Variants in SMARCA5 observed in about 807,000 individuals in gnomAD.
The protein encoded by SMARCA5 is SWI/SNF-related matrix-associated actin-dependent regulator of chromatin subfamily A member 5.
SMARCA5 carries 18 observed loss-of-function variants against 140.4 expected under a neutral mutation model. The ratio of observed to expected loss-of-function variants is 0.13; its 90% confidence interval spans 0.09 to 0.19. SMARCA5 has a LOEUF of 0.19. SMARCA5 is among the 10% of genes least tolerant of loss of function. The pLI is 1.00. For synonymous variants in SMARCA5, 449 were observed against 419.6 expected (o/e 1.07, Z -0.86); for missense variants, 606 against 1,276.8 (o/e 0.47, Z 8.01).
intron 22 of SMARCA5, among the ~76,000 whole-genome samples, chr4:143,549,227 C>G (rs979648953): frequency 1.2e-4 from 18 of 152,022 alleles, no homozygotes; most frequent in African/African-American, 3.9e-4. Context: ...ATGTATTCTT[C>G]TATCTCTATA....
At chr4:143,515,337 T>G (rs969275951) in intron 1 of SMARCA5, among the ~76,000 whole-genome samples, 3 of 152,200 alleles carry the variant, frequency 2.0e-5, no homozygotes, top group Non-Finnish European at 2.9e-5. Flanking sequence ...CCTGTAGTTT[T>G]GAGTGATTAA....
chr4:143,546,639 C>A, intron 19 of SMARCA5, 137 bp from the exon 20 acceptor site: 1 of 673,626 alleles, frequency 1.5e-6, no homozygotes, highest in African/African-American at 1.8e-5. Context: ...TATTTATGTA[C>A]ACGAAAAGTT....
At chr4:143,552,774 T>C (rs1385859869) in intron 23 of SMARCA5, among the ~76,000 whole-genome samples, 1 of 152,040 alleles carries the variant, frequency 6.6e-6, no homozygotes, top group Non-Finnish European at 1.5e-5. Context: ...TGAGTATCTC[T>C]GGATAATATT....
chr4:143,526,115 A>T (rs750656605), intron 5 of SMARCA5, among the ~76,000 whole-genome samples, 166 bp from the exon 6 acceptor site: 14 of 152,244 alleles, frequency 9.2e-5, no homozygotes, highest in Admixed American at 7.8e-4. Context: ...TGTGAAAATT[A>T]TATGACATAA....
intron 22 of SMARCA5, among the ~76,000 whole-genome samples, chr4:143,548,574 T>A (rs954156394): frequency 6.6e-6 from 1 of 152,086 alleles, no homozygotes; most frequent in East Asian, 1.9e-4. Flanking sequence ...TTGCACTGAT[T>A]TAGTGCTAGG....
chr4:143,519,690 C>T (rs1159543009), intron 2 of SMARCA5, among the ~76,000 whole-genome samples: 1 of 152,144 alleles, frequency 6.6e-6, no homozygotes, highest in Non-Finnish European at 1.5e-5. Context: ...AGTTCACTAT[C>T]CACTCCTCGT....
At chr4:143,545,625 A>G in intron 18 of SMARCA5, 42 bp downstream of exon 18, 1 of 1,174,658 alleles carries the variant, frequency 8.5e-7, no homozygotes. Context: ...CCTATCCAGA[A>G]ATTATGGAAG....
chr4:143,543,646 G>T lies in SMARCA5; in HGVS notation c.2041G>T (p.Gly681Cys). The change falls in exon 15 of 24, where the codon GGT (glycine) becomes TGT (cysteine). Residue 681 changes from glycine (G) to cysteine (C), a missense_variant. By Grantham distance (159) the Gly-to-Cys change is radical. This residue lies in a region of SMARCA5 where 62 missense variants were observed against 256.6 expected (regional missense o/e 0.24). Coordinates refer to ENST00000283131, the MANE Select transcript of SMARCA5 (RefSeq NM_003601.4). ...DEDIDGILER[G>C]AKKTAEMNEK... ...AGATATCGATGGTATTTTGGAAAGAGGTGCAAAGAAGGTGAGATGTAGATT... is the reference window on the plus strand; with the variant it reads ...AGATATCGATGGTATTTTGGAAAGATGTGCAAAGAAGGTGAGATGTAGATT... The T allele has an allele frequency of 1.2e-6, 2 of 1,612,438 alleles. No homozygotes were observed. Among genetic ancestry groups the T allele is most frequent in the Non-Finnish European group, 1.7e-6 (2 of 1,179,104 alleles).
intron 4 of SMARCA5, 73 bp from the exon 5 acceptor site, chr4:143,525,378 G>T: frequency 1.1e-6 from 1 of 913,902 alleles, no homozygotes; most frequent in Non-Finnish European, 1.8e-6. Flanking sequence ...GTAGATATGT[G>T]TAGGCTTAGA....
intron 1 of SMARCA5, among the ~76,000 whole-genome samples, chr4:143,515,167 C>T (rs1033401031): frequency 5.9e-5 from 9 of 152,128 alleles, no homozygotes; most frequent in African/African-American, 1.9e-4. Context: ...GATGCAGAAT[C>T]ATTATACAGT....
rs1327961395 is a variant in SMARCA5 at position 143,514,035 on chromosome 4, C to T, written c.111C>T (p.Pro37=). 1.3e-6 allele frequency: 2 copies of T among 1,555,622 alleles called. No individual in the cohort carries two copies. The highest frequency in any genetic ancestry group is 1.7e-6 in the Non-Finnish European group (2 of 1,158,858). ...GGSNSSNKGG[P]EGVAAQAVAS... ...GCAACAGCAGCAACAAAGGCGGCCC[C>T]GAAGGCGTCGCGGCGCAGGCGGTTG... Residue 37 remains proline (P), a synonymous_variant, in exon 1 of 24, where the codon CCC becomes CCT. Coordinates refer to ENST00000283131, the MANE Select transcript of SMARCA5 (RefSeq NM_003601.4).
In SMARCA5 at chr4:143,555,763, C is replaced by A. The variant is rs769610633; in HGVS notation, c.*2579C>A. 68 of 162,878 alleles carry A rather than the reference C, an allele frequency of 4.2e-4. No homozygotes were observed. Among genetic ancestry groups the A allele is most frequent in the Non-Finnish European group, 8.3e-4 (63 of 75,948 alleles). The allele number at this position is 162,878 out of a possible 1,614,324, so 10.1% of individuals were successfully genotyped here. The stretch of plus-strand genomic sequence containing the variant: ...CTTCAGGGCTCAAGTGATCCTCCCA[C>A]CTCAGCTTCCCAAGTAGCTAGGACT... On this transcript the variant is annotated 3_prime_UTR_variant, in exon 24 of 24. Transcript: ENST00000283131.
intron 1 of SMARCA5, among the ~76,000 whole-genome samples, chr4:143,515,809 C>T (rs1299151316): frequency 6.6e-6 from 1 of 152,044 alleles, no homozygotes; most frequent in Non-Finnish European, 1.5e-5. Context: ...TAAAAGTGAG[C>T]CGTTTCCCAC....
At chr4:143,527,067 A>G (rs1456624924) in intron 6 of SMARCA5, among the ~76,000 whole-genome samples, 1 of 152,230 alleles carries the variant, frequency 6.6e-6, no homozygotes, top group African/African-American at 2.4e-5. Flanking sequence ...GAATGTGTGT[A>G]GTGGTAATAG....
At chr4:143,539,342 G>A (rs1053995633) in intron 13 of SMARCA5, among the ~76,000 whole-genome samples, 2 of 152,120 alleles carry the variant, frequency 1.3e-5, no homozygotes, top group Non-Finnish European at 2.9e-5. Context: ...TTATATCACA[G>A]GACCAAAGAG....
At chr4:143,535,242 G>A (rs556194618) in intron 10 of SMARCA5, among the ~76,000 whole-genome samples, 1 of 152,168 alleles carries the variant, frequency 6.6e-6, no homozygotes, top group Admixed American at 6.5e-5. Context: ...CATCTACTTG[G>A]GATTTTTAAA....
Position 143,557,008 on chromosome 4 carries a change from C to T in SMARCA5, c.*3824C>T, listed in dbSNP as rs1185928615. ...CATTGTTTCAGAAGTGGACTGGCACCTCACCTGAGATACTCAAGACTGGCA... is the reference window on the plus strand; with the variant it reads ...CATTGTTTCAGAAGTGGACTGGCACTTCACCTGAGATACTCAAGACTGGCA... On this transcript the variant is annotated 3_prime_UTR_variant, in exon 24 of 24. Coordinates refer to ENST00000283131, the MANE Select transcript of SMARCA5 (RefSeq NM_003601.4). 6.6e-6 allele frequency: 1 copy of T among 152,174 alleles called. No individual in the cohort carries two copies. Among genetic ancestry groups the T allele is most frequent in the Non-Finnish European group, 1.5e-5 (1 of 68,028 alleles). 9.4% of individuals were successfully genotyped at this position (152,174 alleles called of 1,614,324 possible). A position where few individuals can be genotyped will look rare whatever the true frequency, so the allele number is the denominator to read the frequency against.
chr4:143,527,343 G>T (rs1737095743), intron 6 of SMARCA5, among the ~76,000 whole-genome samples: 1 of 152,026 alleles, frequency 6.6e-6, no homozygotes, highest in South Asian at 2.1e-4. Context: ...TTCTAGTTAT[G>T]TTGGATATTT....
chr4:143,547,946 C>T lies in SMARCA5; in HGVS notation c.2791C>T (p.Pro931Ser). The stretch of plus-strand genomic sequence containing the variant: ...TTCATAGATTGGACGGTACAAAGCA[C>T]CTTTTCATCAGCTGAGAATATCATA... ...LDTKIGRYKA[P>S]FHQLRISYGT... The change falls in exon 22 of 24, where the codon CCT becomes TCT. Residue 931 changes from proline to serine, a missense_variant. By Grantham distance (74) the Pro-to-Ser change is moderately conservative. Around this residue, in one of 10 missense-constraint regions of SMARCA5, gnomAD observed 121 missense variants for 227.1 expected, o/e 0.53. Coordinates refer to ENST00000283131, the MANE Select transcript of SMARCA5 (RefSeq NM_003601.4). 6.2e-7 allele frequency: 1 copy of T among 1,600,828 alleles called. No homozygotes were observed. The highest frequency in any genetic ancestry group is 2.2e-5 in the East Asian group (1 of 44,776).
Sources: allele counts gnomAD v4.1 joint callset (sites outside exome capture counted in the v4.1 genomes callset), GRCh38; gene constraint gnomAD v4.1.1; regional missense constraint gnomAD v4.1.1; transcripts MANE v1.5; gene names NCBI Gene and HGNC (gene_info 2026-07-23, HGNC 2026-07-21).